SFMBT2: variants seen among roughly 807,000 people sequenced by gnomAD.
SFMBT2 encodes Scm like with four mbt domains 2.
A neutral mutation model predicts 110.1 loss-of-function variants in SFMBT2; 38 were observed. That is an observed-to-expected ratio of 0.35 (90% CI 0.27 to 0.45). The LOEUF (loss-of-function observed/expected upper bound fraction) is 0.45. Ranked by LOEUF, SFMBT2 falls within the 20% of genes least tolerant of loss-of-function variation. The probability of loss-of-function intolerance (pLI) is 1.00; values close to 1 mark genes in which losing one functional copy is unlikely to be tolerated. For synonymous variants in SFMBT2, 425 were observed against 425.4 expected, an observed-to-expected ratio of 1.00 and a Z score of 0.01; for missense variants, 1,011 against 1,094.9, an observed-to-expected ratio of 0.92 and a Z score of 1.08.
At chr10:7,273,171 T>C (rs10905142) in intron 7 of SFMBT2, among the ~76,000 whole-genome samples, 82,106 of 152,094 alleles carry the variant, frequency 0.54, 22,657 homozygotes, top group East Asian at 0.81. Flanking sequence ...ATAAAGTATA[T>C]GGATAAGACA....
chr10:7,175,460 C>A (rs144633422), intron 17 of SFMBT2, among the ~76,000 whole-genome samples: 4 of 152,190 alleles, frequency 2.6e-5, no homozygotes, highest in Admixed American at 1.3e-4. Context: ...GCAAAGCCAA[C>A]TGGCAGAAAA....
At chr10:7,185,196 A>G (rs1838359919) in intron 16 of SFMBT2, among the ~76,000 whole-genome samples, 1 of 152,240 alleles carries the variant, frequency 6.6e-6, no homozygotes, top group South Asian at 2.1e-4. Context: ...GAATTTAGGT[A>G]CACACATACA....
Position 7,215,077 on chromosome 10 carries a change from AAAAGTGT to A in SFMBT2, c.1330+5327_1330+5333del, listed in dbSNP as rs549253151. On this transcript the variant is annotated intron_variant, in intron 11 of 20. Coordinates refer to ENST00000397167, the MANE Select transcript of SFMBT2 (RefSeq NM_001387889.1). ...GATCACATTCCTTCTAAATAGGAGG[AAAAGTGT>A]ATGAATCATGATGAGGACAAAAACA... Among the ~76,000 whole-genome samples the A allele has an allele frequency of 1.5e-4, 23 of 152,318 alleles. 1 individual carries two copies. In the South Asian group the frequency reaches 4.8e-3, roughly 32 times the overall value.
chr10:7,332,093 C>A (rs1022273683), intron 4 of SFMBT2, among the ~76,000 whole-genome samples: 1 of 151,168 alleles, frequency 6.6e-6, no homozygotes, highest in African/African-American at 2.4e-5. Context: ...CCGCCGAAGT[C>A]ATCTGCGGAG....
At chr10:7,304,284 T>C (rs1701262136) in intron 4 of SFMBT2, among the ~76,000 whole-genome samples, 1 of 151,694 alleles carries the variant, frequency 6.6e-6, no homozygotes, top group African/African-American at 2.4e-5. Flanking sequence ...TAAAGGGGAG[T>C]TCCCCTGCAC....
intron 15 of SFMBT2, among the ~76,000 whole-genome samples, chr10:7,190,626 A>G (rs902084136): frequency 1.3e-5 from 2 of 152,252 alleles, no homozygotes; most frequent in African/African-American, 4.8e-5. Flanking sequence ...CATGTATTAT[A>G]GTTACCTAAT....
At chr10:7,247,202 T>C (rs1023382125) in intron 8 of SFMBT2, among the ~76,000 whole-genome samples, 1 of 152,192 alleles carries the variant, frequency 6.6e-6, no homozygotes, top group Non-Finnish European at 1.5e-5. Flanking sequence ...CTACAACCTC[T>C]GCTTCCCAGG....
At chr10:7,289,352 T>A (rs1157622635) in intron 4 of SFMBT2, among the ~76,000 whole-genome samples, 1 of 152,206 alleles carries the variant, frequency 6.6e-6, no homozygotes, top group South Asian at 2.1e-4. Context: ...ATAATCCAAG[T>A]TAACAGTTAA....
At chr10:7,192,805 G>A (rs1342497165) in intron 15 of SFMBT2, among the ~76,000 whole-genome samples, 1 of 152,196 alleles carries the variant, frequency 6.6e-6, no homozygotes, top group African/African-American at 2.4e-5. Context: ...GGGCGTCTCT[G>A]ACTCAGGGCC....
chr10:7,208,347 T>C (rs1012297069), intron 11 of SFMBT2, among the ~76,000 whole-genome samples: 1 of 152,176 alleles, frequency 6.6e-6, no homozygotes, highest in African/African-American at 2.4e-5. Flanking sequence ...CTACTAAATA[T>C]ATTTATCTTT....
intron 4 of SFMBT2, among the ~76,000 whole-genome samples, chr10:7,316,584 A>G (rs980497644): frequency 6.6e-6 from 1 of 152,228 alleles, no homozygotes; most frequent in Admixed American, 6.5e-5. Context: ...CATGCAACTG[A>G]GTTTAAAACC....
intron 4 of SFMBT2, among the ~76,000 whole-genome samples, chr10:7,334,777 C>T (rs1009182901): frequency 2.0e-5 from 3 of 152,194 alleles, no homozygotes; most frequent in African/African-American, 7.2e-5. Context: ...GTGCTTTGGG[C>T]TGCCTTGCGG....
intron 2 of SFMBT2, among the ~76,000 whole-genome samples, chr10:7,379,350 G>A (rs970114001): frequency 8.6e-5 from 13 of 151,992 alleles, no homozygotes; most frequent in African/African-American, 3.1e-4. Context: ...TATTTTGTGG[G>A]TTAGCAGATT....
At position 7,408,570 on chromosome 10, in the gene SFMBT2, C is replaced by A. The variant is rs368039413; in HGVS notation, c.-52+2291G>T. Among the ~76,000 whole-genome samples the A allele has an allele frequency of 6.6e-5, 10 of 152,288 alleles. No individual in the cohort carries two copies. In the East Asian group the frequency reaches 1.9e-3, roughly 30 times the overall value. ...GTCCTCCCACCTGCCCCCGCCAGCCCCGGGGACCGTGCGCGGCCTCCGTGT... is the reference window on the plus strand; with the variant it reads ...GTCCTCCCACCTGCCCCCGCCAGCCACGGGGACCGTGCGCGGCCTCCGTGT... On this transcript the variant is annotated intron_variant, in intron 1 of 20. Coordinates refer to ENST00000397167, the MANE Select transcript of SFMBT2 (RefSeq NM_001387889.1). The surrounding 1 kb of genome is among the most constrained non-coding windows in gnomAD (Gnocchi z 5.7).
intron 7 of SFMBT2, among the ~76,000 whole-genome samples, chr10:7,254,540 G>A (rs554321046): frequency 1.6e-4 from 25 of 152,152 alleles, no homozygotes; most frequent in African/African-American, 5.8e-4. Flanking sequence ...AGATTCTGGG[G>A]GCCAGGCGCG....
At chr10:7,399,131 G>A (rs1446282330) in intron 1 of SFMBT2, among the ~76,000 whole-genome samples, 2 of 152,210 alleles carry the variant, frequency 1.3e-5, no homozygotes, top group Non-Finnish European at 2.9e-5. Flanking sequence ...ATCAGCCAGC[G>A]GGAAACCCTC....
chr10:7,336,182 A>T (rs1311501207), intron 4 of SFMBT2, among the ~76,000 whole-genome samples: 1 of 152,202 alleles, frequency 6.6e-6, no homozygotes, highest in South Asian at 2.1e-4. Flanking sequence ...ATAAAAGCCT[A>T]CTTTCCTGCA....
intron 1 of SFMBT2, among the ~76,000 whole-genome samples, chr10:7,400,641 A>G (rs1183000040): frequency 6.6e-6 from 1 of 152,248 alleles, no homozygotes; most frequent in Non-Finnish European, 1.5e-5. Context: ...GAAAGCTGTC[A>G]GCTTCAACAG....
intron 1 of SFMBT2, among the ~76,000 whole-genome samples, chr10:7,409,593 C>G (rs1225734465): frequency 6.6e-6 from 1 of 152,060 alleles, no homozygotes; most frequent in Admixed American, 6.5e-5. Context: ...GGGCACTTCT[C>G]CATCCCTTTC....
Sources: gnomAD v4.1 joint callset for allele counts (sites outside exome capture counted in the v4.1 genomes callset) on GRCh38, gnomAD v4.1.1 for gene constraint, Gnocchi (gnomAD v3.1) non-coding constraint, MANE v1.5 for transcripts, NCBI Gene and HGNC (gene_info 2026-07-23, HGNC 2026-07-21) for gene names.